KSR1: variants seen among roughly 807,000 people sequenced by gnomAD.
KSR1 encodes the protein kinase suppressor of ras.
In KSR1, 35 loss-of-function variants were observed where a neutral mutation model predicts 92.9. The observed-to-expected ratio is 0.38, with a 90% CI of 0.29 to 0.50. The LOEUF (loss-of-function observed/expected upper bound fraction) is 0.50, where lower values mean the gene tolerates loss of function less well. Among genes scored for constraint, KSR1 ranks in the 20% least tolerant of loss-of-function variants. KSR1 has a pLI of 0.94. For synonymous variants in KSR1, 467 were observed against 472.6 expected, an observed-to-expected ratio of 0.99 and a Z score of 0.15; for missense variants, 972 against 1,158.5, an observed-to-expected ratio of 0.84 and a Z score of 2.34.
intron 1 of KSR1, among the ~76,000 whole-genome samples, chr17:27,491,014 TATG>T (rs890048291): frequency 6.6e-6 from 1 of 152,224 alleles, no homozygotes; most frequent in African/African-American, 2.4e-5. Flanking sequence ...ATATATATAG[TATG>T]ATCCTTCTTT....
chr17:27,495,459 G>A (rs1331839045), intron 1 of KSR1, among the ~76,000 whole-genome samples: 1 of 152,210 alleles, frequency 6.6e-6, no homozygotes, highest in Non-Finnish European at 1.5e-5. Context: ...AGGACTTGGA[G>A]GACATGTCTG....
chr17:27,619,942 A>C (rs2074176883), intron 19 of KSR1, among the ~76,000 whole-genome samples: 1 of 151,618 alleles, frequency 6.6e-6, no homozygotes, highest in East Asian at 1.9e-4. Flanking sequence ...TCAAACTCCA[A>C]ACGCCTTGGC....
chr17:27,614,471 C>T (rs1391057512), intron 18 of KSR1, among the ~76,000 whole-genome samples: 1 of 152,172 alleles, frequency 6.6e-6, no homozygotes, highest in South Asian at 2.1e-4. Context: ...ATGGTAAGTG[C>T]CATCTTCAGG....
Position 27,583,106 on chromosome 17 carries a change from G to A in KSR1, c.980+1G>A. 1 of 1,536,216 alleles carries A rather than the reference G, an allele frequency of 6.5e-7. No homozygotes were observed. The highest frequency in any genetic ancestry group is 8.8e-7 in the Non-Finnish European group (1 of 1,139,028). The stretch of plus-strand genomic sequence containing the variant: ...GCATTGATGACGTCTCCTCGATGAG[G>A]TGAGTGCTCCTTCTGGGCAGCTACC... On this transcript the variant is annotated splice_donor_variant, in intron 4 of 20. Coordinates refer to ENST00000644974, the MANE Select transcript of KSR1 (RefSeq NM_001394583.1). LOFTEE classifies it high-confidence loss of function.
chr17:27,570,889 A>G (rs1473482992), intron 2 of KSR1, among the ~76,000 whole-genome samples: 2 of 152,204 alleles, frequency 1.3e-5, no homozygotes, highest in Non-Finnish European at 2.9e-5. Flanking sequence ...AGTGGGGCCC[A>G]AGCATTGCGA....
chr17:27,567,484 G>A lies in KSR1; in HGVS notation c.373-10008G>A, dbSNP rs1050049618. Among the ~76,000 whole-genome samples, 5 of 152,116 alleles carry A rather than the reference G, an allele frequency of 3.3e-5. No homozygotes were observed. In the East Asian group the frequency reaches 5.8e-4, roughly 18 times the overall value. On this transcript the variant is annotated intron_variant, in intron 2 of 20. Coordinates refer to ENST00000644974, the MANE Select transcript of KSR1 (RefSeq NM_001394583.1). The stretch of plus-strand genomic sequence containing the variant: ...CAAGAACATGGACTTGAGGAGTTCC[G>A]CCCATCTGCCACCTTCTAAGCCACT...
At chr17:27,541,528 G>C (rs941878388) in intron 1 of KSR1, among the ~76,000 whole-genome samples, 3 of 152,214 alleles carry the variant, frequency 2.0e-5, no homozygotes, top group African/African-American at 7.2e-5. Flanking sequence ...TTATTCACAG[G>C]ATTCACTGCC....
At chr17:27,552,120 T>TC (rs1284621243) in intron 2 of KSR1, among the ~76,000 whole-genome samples, 1 of 152,196 alleles carries the variant, frequency 6.6e-6, no homozygotes, top group African/African-American at 2.4e-5. Flanking sequence ...CAGGCAGTCG[T>TC]CCCTGGTGAT....
At chr17:27,540,474 C>T (rs553970216) in intron 1 of KSR1, among the ~76,000 whole-genome samples, 116 of 152,300 alleles carry the variant, frequency 7.6e-4, no homozygotes, top group Non-Finnish European at 1.1e-3. Context: ...TGAAGTTCCC[C>T]GACTCTGAGT....
intron 2 of KSR1, among the ~76,000 whole-genome samples, chr17:27,552,225 G>T (rs1009917357): frequency 6.6e-6 from 1 of 152,166 alleles, no homozygotes; most frequent in Admixed American, 6.5e-5. Flanking sequence ...TGACCTAACC[G>T]ATTTGTTGTC....
At chr17:27,586,544 C>T (rs1221551562) in intron 5 of KSR1, among the ~76,000 whole-genome samples, 1 of 152,142 alleles carries the variant, frequency 6.6e-6, no homozygotes, top group South Asian at 2.1e-4. Flanking sequence ...CACTTCCCTC[C>T]CTTAGTGCCC....
At chr17:27,612,849 G>C (rs983313598) in intron 18 of KSR1, 5 of 152,218 alleles carry the variant, frequency 3.3e-5, no homozygotes, top group Non-Finnish European at 7.3e-5. Flanking sequence ...CAGGATCACT[G>C]TCTGTCTGCA....
chr17:27,495,636 C>G (rs565780362), intron 1 of KSR1, among the ~76,000 whole-genome samples: 86 of 152,264 alleles, frequency 5.6e-4, no homozygotes, highest in African/African-American at 1.9e-3. Context: ...CTGTCTCTAC[C>G]AGGTAACACA....
At chr17:27,568,590 C>T (rs923758637) in intron 2 of KSR1, among the ~76,000 whole-genome samples, 22 of 152,262 alleles carry the variant, frequency 1.4e-4, no homozygotes, top group African/African-American at 4.6e-4. Flanking sequence ...GTAAAGATGC[C>T]GGGGACATGG....
chr17:27,531,861 A>C (rs963745149), intron 1 of KSR1, among the ~76,000 whole-genome samples: 2 of 152,204 alleles, frequency 1.3e-5, no homozygotes, highest in Non-Finnish European at 2.9e-5. Flanking sequence ...ATGAGTTAGC[A>C]TTTTATACAC....
At chr17:27,508,709 T>TTTAATTTA (rs1555572324) in intron 1 of KSR1, among the ~76,000 whole-genome samples, 20 of 138,272 alleles carry the variant, frequency 1.4e-4, no homozygotes, top group African/African-American at 5.2e-4. Context: ...CCTGAATTTT[T>TTTAATTTA]TTTATTTATT....
rs57224084 is a variant in KSR1 at position 27,489,918 on chromosome 17, G to A, written c.231+33044G>A. On this transcript the variant is annotated intron_variant, in intron 1 of 20. Transcript: ENST00000644974. ...CAGTGTTTCCTTGCTTCACCAATCT[G>A]GGCAGAAAGGGCTGACCCAGAAGCT... 2.9e-3 allele frequency among the ~76,000 whole-genome samples: 449 copies of A among 152,348 alleles called. 2 individuals are homozygous for A. Among genetic ancestry groups the A allele is most frequent in the African/African-American group, 0.01 (432 of 41,574 alleles).
At chr17:27,464,455 G>T (rs993058292) in intron 1 of KSR1, among the ~76,000 whole-genome samples, 1 of 152,076 alleles carries the variant, frequency 6.6e-6, no homozygotes, top group Admixed American at 6.5e-5. Flanking sequence ...AAGTTCATGC[G>T]CATGGCCAGG....
At chr17:27,582,337 G>A (rs1463108713) in intron 3 of KSR1, among the ~76,000 whole-genome samples, 3 of 152,196 alleles carry the variant, frequency 2.0e-5, no homozygotes, top group Non-Finnish European at 2.9e-5. Context: ...GCTCCCATGA[G>A]CATTTCCTGT....
Sources: gnomAD v4.1 joint callset for allele counts (sites outside exome capture counted in the v4.1 genomes callset) on GRCh38, gnomAD v4.1.1 for gene constraint, MANE v1.5 for transcripts, NCBI Gene and HGNC (gene_info 2026-07-23, HGNC 2026-07-21) for gene names.